The following RCOR1 variants were observed in gnomAD, a reference collection of about 807,000 sequenced individuals.
RCOR1 encodes the protein REST corepressor 1.
Under a neutral mutation model 64.0 loss-of-function variants are expected in RCOR1, and 12 were observed. The ratio of observed to expected loss-of-function variants is 0.19; its 90% confidence interval spans 0.12 to 0.30. The LOEUF is 0.30. RCOR1 is among the 10% of genes least tolerant of loss of function. The pLI is 1.00. For missense variants in RCOR1, 502 were observed against 621.2 expected (o/e 0.81, Z 2.04); for synonymous variants, 279 against 227.2 (o/e 1.23, Z -2.05).
intron 2 of RCOR1, among the ~76,000 whole-genome samples, chr14:102,615,136 G>A (rs12895593): frequency 6.7e-5 from 4 of 60,138 alleles, no homozygotes; most frequent in South Asian, 5.7e-4. Flanking sequence ...CGGCCCCCCC[G>A]CCCCCACCTT....
At chr14:102,607,772 C>T (rs1326678858) in intron 2 of RCOR1, among the ~76,000 whole-genome samples, 2 of 152,188 alleles carry the variant, frequency 1.3e-5, no homozygotes, top group African/African-American at 4.8e-5. Context: ...ATCCCAGCTA[C>T]TCAGGAGGCT....
rs992239083 is a variant in RCOR1 at position 102,620,894 on chromosome 14, TCCTAA to T, written c.361+27574_361+27578del. ...TCAGATCATTGCTCAATAAGGCCTC[TCCTAA>T]CCTACCTATCTGCAAGTATCTCTAG... On this transcript the variant is annotated intron_variant, in intron 2 of 11. Coordinates refer to ENST00000262241, the MANE Select transcript of RCOR1 (RefSeq NM_015156.4). 6.5e-4 allele frequency among the ~76,000 whole-genome samples: 99 copies of T among 152,222 alleles called. 1 individual carries two copies. Among genetic ancestry groups the T allele is most frequent in the Non-Finnish European group, 1.6e-4 (11 of 68,016 alleles).
intron 2 of RCOR1, among the ~76,000 whole-genome samples, chr14:102,680,496 A>G (rs964255802): frequency 6.6e-6 from 1 of 152,162 alleles, no homozygotes; most frequent in Non-Finnish European, 1.5e-5. Context: ...AGTCAGAACT[A>G]TGTATATATC....
intron 11 of RCOR1, among the ~76,000 whole-genome samples, chr14:102,722,931 C>T (rs1421360635): frequency 1.3e-5 from 2 of 152,216 alleles, no homozygotes; most frequent in African/African-American, 4.8e-5. Context: ...TTGATGGGGA[C>T]AGTTCTGTGG....
At chr14:102,712,960 T>G (rs1215019367) in intron 7 of RCOR1, among the ~76,000 whole-genome samples, 2 of 141,934 alleles carry the variant, frequency 1.4e-5, no homozygotes, top group East Asian at 2.0e-4. Flanking sequence ...TTTTTTTTTT[T>G]TTTTTTTTTT....
intron 2 of RCOR1, among the ~76,000 whole-genome samples, chr14:102,673,526 G>T (rs946754269): frequency 6.6e-6 from 1 of 151,608 alleles, no homozygotes; most frequent in Non-Finnish European, 1.5e-5. Flanking sequence ...TAGTAGAGAC[G>T]GGGTTTCACT....
chr14:102,680,938 C>T (rs898016681), intron 2 of RCOR1, among the ~76,000 whole-genome samples: 1 of 152,158 alleles, frequency 6.6e-6, no homozygotes, highest in Non-Finnish European at 1.5e-5. Flanking sequence ...ACTTTGGGTC[C>T]TTTTCACTAT....
At chr14:102,621,220 C>CCTTGGCCTCCCAGTATGCTGGGATTA in intron 2 of RCOR1, among the ~76,000 whole-genome samples, 1 of 150,848 alleles carries the variant, frequency 6.6e-6, no homozygotes, top group Non-Finnish European at 1.5e-5. Context: ...GATCCTCTCA[C>CCTTGGCCTCCCAGTATGCTGGGATTA]CTTGGCCTCC....
At chr14:102,708,730 A>G (rs1322542162) in intron 6 of RCOR1, 147 bp downstream of exon 6, 3 of 491,356 alleles carry the variant, frequency 6.1e-6, no homozygotes, top group East Asian at 6.8e-5. Flanking sequence ...AGCGTGTCAC[A>G]TTATTCAGGT....
At chr14:102,698,936 TG>T (rs1489563941) in intron 3 of RCOR1, among the ~76,000 whole-genome samples, 1 of 151,438 alleles carries the variant, frequency 6.6e-6, no homozygotes, top group Non-Finnish European at 1.5e-5. Flanking sequence ...TTTTTTTTTT[TG>T]AGATGAAGTC....
chr14:102,700,658 T>G (rs1895739078), intron 3 of RCOR1, among the ~76,000 whole-genome samples: 1 of 152,248 alleles, frequency 6.6e-6, no homozygotes. Flanking sequence ...CATGAGCCTT[T>G]GTTTTTCTCT....
chr14:102,606,934 GTTTT>G (rs11464849), intron 2 of RCOR1, among the ~76,000 whole-genome samples: 2 of 112,072 alleles, frequency 1.8e-5, no homozygotes, highest in African/African-American at 3.3e-5. Context: ...TTTTGTGTTA[GTTTT>G]TTTTTTTTTT....
At chr14:102,680,458 A>G (rs952630427) in intron 2 of RCOR1, among the ~76,000 whole-genome samples, 20 of 151,980 alleles carry the variant, frequency 1.3e-4, no homozygotes, top group African/African-American at 4.4e-4. Flanking sequence ...TTTGTTTTAG[A>G]TTCTTTGTAG....
At chr14:102,649,814 T>C in intron 2 of RCOR1, 8 of 981,400 alleles carry the variant, frequency 8.2e-6, no homozygotes, top group Non-Finnish European at 9.7e-6. Context: ...GTTGACGAAA[T>C]TGGCATTAGG....
chr14:102,720,436 G>A (rs1391635267), intron 8 of RCOR1, among the ~76,000 whole-genome samples: 1 of 152,222 alleles, frequency 6.6e-6, no homozygotes, highest in Non-Finnish European at 1.5e-5. Context: ...AAGTGAAGAC[G>A]TGACAGTTAA....
chr14:102,717,174 A>T (rs1395522249), intron 8 of RCOR1, among the ~76,000 whole-genome samples: 1 of 152,228 alleles, frequency 6.6e-6, no homozygotes, highest in Non-Finnish European at 1.5e-5. Flanking sequence ...TAAACTGAAA[A>T]TTCAACCTAG....
chr14:102,645,622 C>G (rs975461788), intron 2 of RCOR1, among the ~76,000 whole-genome samples: 2 of 152,210 alleles, frequency 1.3e-5, no homozygotes, highest in African/African-American at 2.4e-5. Context: ...GCCAGTAGCA[C>G]AGTTCTGGGT....
intron 2 of RCOR1, among the ~76,000 whole-genome samples, chr14:102,612,232 G>C (rs1019683267): frequency 6.6e-6 from 1 of 152,182 alleles, no homozygotes; most frequent in African/African-American, 2.4e-5. Flanking sequence ...ATGTTGCCCA[G>C]GCTGGTCTTG....
chr14:102,715,098 T>TCG (rs1159117222), intron 8 of RCOR1, among the ~76,000 whole-genome samples: 2 of 151,518 alleles, frequency 1.3e-5, no homozygotes, highest in Non-Finnish European at 2.9e-5. Flanking sequence ...AGACGGTGTC[T>TCG]CGCTCTGTCG....
Sources: allele counts gnomAD v4.1 joint callset (sites outside exome capture counted in the v4.1 genomes callset), GRCh38; gene constraint gnomAD v4.1.1; transcripts MANE v1.5; gene names NCBI Gene and HGNC (gene_info 2026-07-23, HGNC 2026-07-21).